Variants in GNAL observed in about 807,000 individuals in gnomAD.
GNAL encodes the protein G protein subunit alpha L, also known as guanine nucleotide-binding protein G(olf) subunit alpha.
Under a neutral mutation model 55.1 loss-of-function variants are expected in GNAL, and 18 were observed. The observed-to-expected ratio is 0.33, with a 90% confidence interval of 0.23 to 0.48. The LOEUF (loss-of-function observed/expected upper bound fraction) is 0.48. GNAL is among the 20% of genes least tolerant of loss of function. The probability of loss-of-function intolerance (pLI) is 0.99; values close to 1 mark genes in which losing one functional copy is unlikely to be tolerated. For missense variants in GNAL, 412 were observed against 614.1 expected (o/e 0.67, Z 3.48); for synonymous variants, 253 against 237.0 (o/e 1.07, Z -0.62).
Position 11,851,412 on chromosome 18 carries a change from C to T in GNAL, c.723-10983C>T. Reference sequence around the variant, plus strand: ...CTCACAGTAGAAACAGGAAGTGGGACCAAAACAAAGGAGCGGCGGCCGGGA... The same window carrying T: ...CTCACAGTAGAAACAGGAAGTGGGATCAAAACAAAGGAGCGGCGGCCGGGA... On this transcript the variant is annotated intron_variant, in intron 5 of 11. Coordinates refer to ENST00000334049, the MANE Select transcript of GNAL (RefSeq NM_182978.4). The T allele has an allele frequency of 7.2e-6, 10 of 1,382,290 alleles. 1 individual carries two copies. The highest frequency in any genetic ancestry group is 3.1e-5 in the South Asian group (2 of 64,800). The allele number at this position is 1,382,290 out of a possible 1,614,324, so 85.6% of individuals were successfully genotyped here. A position where few individuals can be genotyped will look rare whatever the true frequency, so the allele number is the denominator to read the frequency against.
intron 4 of GNAL, among the ~76,000 whole-genome samples, chr18:11,761,603 G>C (rs1424914): frequency 1 from 152,163 of 152,330 alleles, 75,999 homozygotes; most frequent in Middle Eastern, 1. Context: ...TTCTTTGAGG[G>C]TGCCTGGAAC....
chr18:11,745,488 A>G (rs948986310), intron 1 of GNAL: 20 of 152,302 alleles, frequency 1.3e-4, no homozygotes, highest in Admixed American at 7.8e-4. Context: ...TAAACTTTCA[A>G]ATGCACTAAG....
At chr18:11,872,199 C>T in intron 9 of GNAL, 69 bp from the exon 10 acceptor site, 3 of 1,020,650 alleles carry the variant, frequency 2.9e-6, no homozygotes, top group Non-Finnish European at 4.3e-6. Context: ...AATTTAGCAA[C>T]TTCTATGTTA....
At chr18:11,851,507 C>G (rs764172318) in intron 5 of GNAL, 1 of 1,555,822 alleles carries the variant, frequency 6.4e-7, no homozygotes, top group Non-Finnish European at 8.7e-7. Flanking sequence ...AGGAGCCGTC[C>G]GACTATGTCT....
At chr18:11,730,743 AAC>A (rs200528603) in intron 1 of GNAL, among the ~76,000 whole-genome samples, 2,856 of 152,144 alleles carry the variant, frequency 0.019, 76 homozygotes, top group African/African-American at 0.059. Flanking sequence ...CAGCCTGGGT[AAC>A]AGAGTGAGAC....
At chr18:11,699,240 A>C (rs1165973291) in intron 1 of GNAL, among the ~76,000 whole-genome samples, 1 of 152,064 alleles carries the variant, frequency 6.6e-6, no homozygotes. Flanking sequence ...TCTGTTGCCT[A>C]GGCTGGAGCA....
intron 4 of GNAL, among the ~76,000 whole-genome samples, chr18:11,768,253 T>C (rs982716265): frequency 6.6e-6 from 1 of 152,188 alleles, no homozygotes; most frequent in Non-Finnish European, 1.5e-5. Context: ...GTGTTAGTTA[T>C]GACCTCTGGC....
chr18:11,748,399 A>T (rs997220320), intron 1 of GNAL, among the ~76,000 whole-genome samples: 1 of 152,216 alleles, frequency 6.6e-6, no homozygotes, highest in Non-Finnish European at 1.5e-5. Context: ...GCAAATACCA[A>T]GTAAATTGTT....
chr18:11,879,052 A>G (rs1314383991), intron 11 of GNAL, among the ~76,000 whole-genome samples: 3 of 151,710 alleles, frequency 2.0e-5, no homozygotes, highest in Admixed American at 1.3e-4. Flanking sequence ...ACATGTATAC[A>G]TATGTAACAA....
At chr18:11,851,445 T>A in intron 5 of GNAL, 1 of 1,461,474 alleles carries the variant, frequency 6.8e-7, no homozygotes, top group Non-Finnish European at 9.0e-7. Context: ...GGAGCGGACT[T>A]ACCTTACCTT....
chr18:11,815,112 A>C (rs1002845039), intron 4 of GNAL, among the ~76,000 whole-genome samples: 1 of 152,192 alleles, frequency 6.6e-6, no homozygotes, highest in Admixed American at 6.5e-5. Context: ...GTTAGCCAGA[A>C]GAGCAGACTT....
In GNAL at chr18:11,881,454, G is replaced by A. The variant is rs992702222; in HGVS notation, c.*319G>A. On this transcript the variant is annotated 3_prime_UTR_variant, in exon 12 of 12. Coordinates refer to ENST00000334049, the MANE Select transcript of GNAL (RefSeq NM_182978.4). The surrounding 1 kb of genome is among the most constrained non-coding windows in gnomAD (Gnocchi z 4.8). ...TCATCGAGGAGAACTTGGTAGATGG[G>A]GAGAAAACACAGTTGGTTTTTTTTT... The A allele has an allele frequency of 1.2e-5, 3 of 240,082 alleles. No homozygotes were observed. The highest frequency in any genetic ancestry group is 2.5e-5 in the Non-Finnish European group (3 of 122,322). 14.9% of individuals were successfully genotyped at this position (240,082 alleles called of 1,614,324 possible). A position where few individuals can be genotyped will look rare whatever the true frequency, so the allele number is the denominator to read the frequency against.
chr18:11,689,837 C>A lies in GNAL; in HGVS notation c.274C>A (p.Arg92Ser). The A allele has an allele frequency of 6.5e-7, 1 of 1,536,920 alleles. No individual in the cohort carries two copies. Among genetic ancestry groups the A allele is most frequent in the South Asian group, 1.2e-5 (1 of 83,030 alleles). The change falls in exon 1 of 12, where the codon CGC (arginine) becomes AGC (serine). Residue 92 changes from arginine to serine, a missense_variant. Arg to Ser is a moderately radical substitution (Grantham distance 110). Around this residue, in one of 5 missense-constraint regions of GNAL, gnomAD observed 228 missense variants for 194.8 expected, o/e 1.17. Transcript: ENST00000334049. The part of the protein sequence containing the change: ...SAEEREAAKE[R>S]EAVKEARKVS... ...CGAGGAGCGCGAGGCGGCCAAGGAGCGCGAGGCGGTCAAGGAGGCGAGGAA... is the reference window on the plus strand; with the variant it reads ...CGAGGAGCGCGAGGCGGCCAAGGAGAGCGAGGCGGTCAAGGAGGCGAGGAA...
At chr18:11,851,610 G>A in intron 5 of GNAL, 1 of 1,613,816 alleles carries the variant, frequency 6.2e-7, no homozygotes, top group Non-Finnish European at 8.5e-7. Flanking sequence ...AGGCCGAAAA[G>A]GCCAAAATTA....
At chr18:11,866,342 A>G (rs148627066) in intron 7 of GNAL, among the ~76,000 whole-genome samples, 2 of 150,534 alleles carry the variant, frequency 1.3e-5, no homozygotes, top group African/African-American at 5.0e-5. Context: ...GGACAAAAAA[A>G]TCTAGCCCGT....
intron 4 of GNAL, among the ~76,000 whole-genome samples, chr18:11,756,411 T>C (rs1349889075): frequency 6.6e-6 from 1 of 152,182 alleles, no homozygotes; most frequent in Non-Finnish European, 1.5e-5. Context: ...ATTACAGTGC[T>C]CTTTCAGAGG....
chr18:11,728,305 G>T (rs2032257988), intron 1 of GNAL, among the ~76,000 whole-genome samples: 2 of 152,066 alleles, frequency 1.3e-5, no homozygotes, highest in South Asian at 4.2e-4. Context: ...CATGATTGTT[G>T]TCTCATTTTA....
intron 4 of GNAL, among the ~76,000 whole-genome samples, chr18:11,807,120 A>G (rs1333283831): frequency 3.9e-5 from 6 of 151,934 alleles, no homozygotes; most frequent in Non-Finnish European, 7.4e-5. Flanking sequence ...GATTGTGCCA[A>G]TACACTCCAG....
chr18:11,727,544 G>A (rs1005671688), intron 1 of GNAL, among the ~76,000 whole-genome samples: 1 of 152,290 alleles, frequency 6.6e-6, no homozygotes, highest in East Asian at 1.9e-4. Flanking sequence ...CCTAAACCGG[G>A]ACCCCAAACG....
Sources: allele counts gnomAD v4.1 joint callset (sites outside exome capture counted in the v4.1 genomes callset), GRCh38; gene constraint gnomAD v4.1.1; regional missense constraint gnomAD v4.1.1; non-coding constraint Gnocchi (gnomAD v3.1); transcripts MANE v1.5; gene names NCBI Gene and HGNC (gene_info 2026-07-23, HGNC 2026-07-21).